The following CRTAP variants were observed in gnomAD, a reference collection of about 807,000 sequenced individuals.
CRTAP encodes the protein cartilage-associated protein.
In CRTAP, 33 loss-of-function variants were observed where a neutral mutation model predicts 42.7. The ratio of observed to expected loss-of-function variants is 0.77; its 90% confidence interval spans 0.59 to 1.03. CRTAP has a LOEUF of 1.03. Among genes scored for constraint, CRTAP ranks in the 50% least tolerant of loss-of-function variants. CRTAP has a pLI of 0.00. For missense variants in CRTAP, 613 were observed against 533.9 expected, an observed-to-expected ratio of 1.15 and a Z score of -1.46; for synonymous variants, 243 against 217.7, an observed-to-expected ratio of 1.12 and a Z score of -1.02.
At chr3:33,126,056 C>A (rs1301984025) in intron 3 of CRTAP, among the ~76,000 whole-genome samples, 1 of 152,210 alleles carries the variant, frequency 6.6e-6, no homozygotes, top group Non-Finnish European at 1.5e-5. Flanking sequence ...GTGCAACCAT[C>A]AGCACCATCC....
chr3:33,139,415 TG>T (rs968310250), intron 6 of CRTAP, among the ~76,000 whole-genome samples: 3 of 152,124 alleles, frequency 2.0e-5, no homozygotes, highest in African/African-American at 4.8e-5. Flanking sequence ...CGTTATTAGC[TG>T]GGGGTTTTTT....
chr3:33,132,372 C>T (rs1329635822), intron 4 of CRTAP, among the ~76,000 whole-genome samples, 183 bp from the exon 5 acceptor site: 1 of 152,216 alleles, frequency 6.6e-6, no homozygotes, highest in African/African-American at 2.4e-5. Flanking sequence ...CAAGCCTGGC[C>T]TCCAGGCTGC....
intron 4 of CRTAP, among the ~76,000 whole-genome samples, chr3:33,132,081 C>A (rs1286998397): frequency 6.6e-6 from 1 of 152,058 alleles, no homozygotes; most frequent in Non-Finnish European, 1.5e-5. Context: ...CCCCTCCAAC[C>A]CAGAGGCTCC....
Position 33,132,571 on chromosome 3 carries a change from T to C in CRTAP, c.939T>C (p.Asn313=). Residue 313 remains asparagine (N), a synonymous_variant, in exon 5 of 7, where the codon AAT becomes AAC. Coordinates refer to ENST00000320954, the MANE Select transcript of CRTAP (RefSeq NM_006371.5). ...CAACCCTAGTGAACGACCTGAAGAA[T>C]GCAGCCCCCTGTGCAGTCAGCTATC... ...FAYYKLNDLK[N]AAPCAVSYLL... 6.2e-7 allele frequency: 1 copy of C among 1,614,140 alleles called. No homozygotes were observed. Among genetic ancestry groups the C allele is most frequent in the Non-Finnish European group, 8.5e-7 (1 of 1,179,964 alleles).
In CRTAP at chr3:33,146,339, C is replaced by A. The variant is rs4678478; in HGVS notation, c.*3891C>A. ...GCAGGCTGGTGGGGAGGCCGCCCATCGTGGTGGGGCATCTGTCCAGCCCCA... is the reference window on the plus strand; with the variant it reads ...GCAGGCTGGTGGGGAGGCCGCCCATAGTGGTGGGGCATCTGTCCAGCCCCA... On this transcript the variant is annotated 3_prime_UTR_variant, in exon 7 of 7. Transcript: ENST00000320954. The A allele has an allele frequency of 2.8e-3, 430 of 152,336 alleles. 2 individuals carry two copies. Among genetic ancestry groups the A allele is most frequent in the African/African-American group, 9.9e-3 (410 of 41,556 alleles). 9.4% of individuals were successfully genotyped at this position (152,336 alleles called of 1,614,324 possible).
intron 4 of CRTAP, among the ~76,000 whole-genome samples, chr3:33,132,202 C>A (rs2030286975): frequency 6.6e-6 from 1 of 152,220 alleles, no homozygotes; most frequent in Non-Finnish European, 1.5e-5. Flanking sequence ...CCAGATGAGA[C>A]ACCTGTTTGC....
At chr3:33,140,520 T>C (rs995637883) in intron 6 of CRTAP, among the ~76,000 whole-genome samples, 2 of 152,192 alleles carry the variant, frequency 1.3e-5, no homozygotes, top group Non-Finnish European at 2.9e-5. Context: ...AAGGACATAA[T>C]ACTCCTTTGA....
chr3:33,131,956 G>T (rs1458278908), intron 4 of CRTAP, among the ~76,000 whole-genome samples: 2 of 151,860 alleles, frequency 1.3e-5, no homozygotes, highest in Non-Finnish European at 2.9e-5. Flanking sequence ...CAAATCCCAA[G>T]CCCTGCAAAA....
intron 4 of CRTAP, among the ~76,000 whole-genome samples, chr3:33,132,300 C>T (rs781074216): frequency 1.4e-4 from 22 of 152,140 alleles, no homozygotes; most frequent in Non-Finnish European, 2.9e-4. Flanking sequence ...CTCAGGTCAC[C>T]AGAGCTGGAA....
At chr3:33,124,105 C>A (rs770606375) in intron 2 of CRTAP, among the ~76,000 whole-genome samples, 2 of 152,118 alleles carry the variant, frequency 1.3e-5, no homozygotes, top group Non-Finnish European at 2.9e-5. Flanking sequence ...TTGCTGTAAC[C>A]CCTGACTTCT....
rs886058368 is a variant in CRTAP, at chr3:33,145,672, T to C, written c.*3224T>C. ...CAGGCTGCAGTGTCCTTCCCAGCTG[T>C]GTGAGAAAATGAAAGCCGACGTCCA... is the stretch of plus-strand genomic sequence containing the variant. On this transcript the variant is annotated 3_prime_UTR_variant, in exon 7 of 7. Transcript: ENST00000320954. This position sits in a 1 kb window ranked among gnomAD's most constrained non-coding sequence, Gnocchi z 4.3. 1.3e-5 allele frequency: 2 copies of C among 152,200 alleles called. No homozygotes were observed. Among genetic ancestry groups the C allele is most frequent in the Non-Finnish European group, 2.9e-5 (2 of 68,138 alleles). 9.4% of individuals were successfully genotyped at this position (152,200 alleles called of 1,614,324 possible). A position where few individuals can be genotyped will look rare whatever the true frequency, so the allele number is the denominator to read the frequency against.
At chr3:33,141,256 A>T (rs1279406608) in intron 6 of CRTAP, among the ~76,000 whole-genome samples, 2 of 152,318 alleles carry the variant, frequency 1.3e-5, no homozygotes, top group East Asian at 3.9e-4. Context: ...CACAACAGAC[A>T]CACAGCAGGA....
intron 2 of CRTAP, among the ~76,000 whole-genome samples, chr3:33,123,561 C>A (rs2029959774): frequency 6.6e-6 from 1 of 151,728 alleles, no homozygotes; most frequent in Admixed American, 6.6e-5. Context: ...TGCTATGCTT[C>A]CTGTATAGCC....
At chr3:33,114,643 CTCCAGTTCTAGACCT>C (rs2125596268) in intron 1 of CRTAP, 95 bp downstream of exon 1, 1 of 1,232,192 alleles carries the variant, frequency 8.1e-7, no homozygotes, top group East Asian at 2.6e-5. Context: ...CGCGTTGCCC[CTCCAGTTCTAGACCT>C]GGCTCCCTCC....
intron 5 of CRTAP, 51 bp from the exon 6 acceptor site, chr3:33,134,131 C>A (rs755475152): frequency 2.4e-6 from 3 of 1,271,874 alleles, no homozygotes; most frequent in Non-Finnish European, 3.5e-6. Context: ...CCTCCCAGTT[C>A]TAAGATGAAA....
intron 3 of CRTAP, among the ~76,000 whole-genome samples, chr3:33,124,940 T>G (rs9822573): frequency 6.6e-6 from 1 of 152,144 alleles, no homozygotes; most frequent in East Asian, 1.9e-4. Context: ...CCAACACATA[T>G]AAAGGTAGAA....
chr3:33,141,127 T>G (rs1397762453), intron 6 of CRTAP, among the ~76,000 whole-genome samples: 1 of 152,146 alleles, frequency 6.6e-6, no homozygotes, highest in Non-Finnish European at 1.5e-5. Context: ...GAGATCTGAG[T>G]GAGGCCCCAA....
chr3:33,132,930 T>C (rs2030311581), intron 5 of CRTAP, among the ~76,000 whole-genome samples: 1 of 151,916 alleles, frequency 6.6e-6, no homozygotes, highest in African/African-American at 2.4e-5. Flanking sequence ...ATACAAAAAT[T>C]AGCCAGGCGT....
At position 33,144,062 on chromosome 3, in the gene CRTAP, G is replaced by A. The variant is rs886058360; in HGVS notation, c.*1614G>A. On this transcript the variant is annotated 3_prime_UTR_variant, in exon 7 of 7. Transcript: ENST00000320954. ...TGAAAAACTTTAGTGGACAAGGGCA[G>A]AAGGAAGAGGGAAGACCTGTTAGGA... 6.6e-6 allele frequency: 1 copy of A among 152,310 alleles called. No individual in the cohort carries two copies. Among genetic ancestry groups the A allele is most frequent in the Non-Finnish European group, 1.5e-5 (1 of 68,088 alleles). 9.4% of individuals were successfully genotyped at this position (152,310 alleles called of 1,614,324 possible).
Sources: gnomAD v4.1 joint callset for allele counts (sites outside exome capture counted in the v4.1 genomes callset) on GRCh38, gnomAD v4.1.1 for gene constraint, Gnocchi (gnomAD v3.1) non-coding constraint, MANE v1.5 for transcripts, NCBI Gene and HGNC (gene_info 2026-07-23, HGNC 2026-07-21) for gene names.